MMADHC: variants seen among roughly 807,000 people sequenced by gnomAD.
MMADHC encodes the protein metabolism of cobalamin associated D.
In MMADHC, 23 loss-of-function variants were observed where a neutral mutation model predicts 36.3. That is an observed-to-expected ratio of 0.63 (90% CI 0.46 to 0.90). The LOEUF (loss-of-function observed/expected upper bound fraction) is 0.90, where lower values mean the gene tolerates loss of function less well. Among genes scored for constraint, MMADHC ranks in the 40% least tolerant of loss-of-function variants. The probability of loss-of-function intolerance (pLI) is 0.00; values close to 1 mark genes in which losing one functional copy is unlikely to be tolerated. For synonymous variants in MMADHC, 97 were observed against 116.1 expected (o/e 0.84, Z 1.06); for missense variants, 330 against 348.0 (o/e 0.95, Z 0.41).
rs951070213 is a variant in MMADHC at position 149,581,981 on chromosome 2, A to G, written c.154+146T>C. On this transcript the variant is annotated intron_variant, in intron 3 of 7. Coordinates refer to ENST00000303319, the MANE Select transcript of MMADHC (RefSeq NM_015702.3). ...TACTGTAGCTTTCTGACATAAATAT[A>G]TTTAGGCAGAGCTGTGATTCATTTT... The G allele has an allele frequency of 3.6e-5, 30 of 836,606 alleles. No homozygotes were observed. The East Asian group carries it at 5.9e-4, about 16-fold the overall frequency. The allele number at this position is 836,606 out of a possible 1,614,324, so 51.8% of individuals were successfully genotyped here.
intron 4 of MMADHC, among the ~76,000 whole-genome samples, chr2:149,578,063 C>T (rs1243267352): frequency 1.3e-5 from 2 of 151,938 alleles, no homozygotes; most frequent in Non-Finnish European, 2.9e-5. Flanking sequence ...GAAACAGGAG[C>T]TTAGAAAGGT....
intron 6 of MMADHC, among the ~76,000 whole-genome samples, chr2:149,574,222 T>C (rs879380448): frequency 5.9e-5 from 9 of 152,166 alleles, no homozygotes; most frequent in Non-Finnish European, 1.0e-4. Flanking sequence ...TGTGACAATA[T>C]ACTAGCACTT....
Position 149,571,184 on chromosome 2 carries a change from T to A in MMADHC, c.610-13A>T. 1.3e-6 allele frequency: 2 copies of A among 1,553,488 alleles called. No homozygotes were observed. The highest frequency in any genetic ancestry group is 1.8e-6 in the Non-Finnish European group (2 of 1,129,602). ...CACCATTGATGAACTGCAATGGAAG[T>A]CACAAATAATATGCTTAAGATAGCA... is the stretch of plus-strand genomic sequence containing the variant. On this transcript the variant is annotated splice_polypyrimidine_tract_variant and intron_variant, in intron 6 of 7. Transcript: ENST00000303319.
At chr2:149,584,890 C>T (rs934677427) in intron 2 of MMADHC, among the ~76,000 whole-genome samples, 1 of 151,504 alleles carries the variant, frequency 6.6e-6, no homozygotes, top group African/African-American at 2.4e-5. Context: ...ACAAAAAAAG[C>T]CAATTAGCCG....
chr2:149,586,812 T>C (rs113505108), intron 2 of MMADHC: 29 of 466,208 alleles, frequency 6.2e-5, no homozygotes, highest in African/African-American at 4.4e-4. Context: ...TAGATTCTAA[T>C]ATTTACTGAA....
chr2:149,572,622 G>A (rs533827784), intron 6 of MMADHC, among the ~76,000 whole-genome samples: 1 of 152,232 alleles, frequency 6.6e-6, no homozygotes, highest in African/African-American at 2.4e-5. Flanking sequence ...TGAGGAGATA[G>A]AAAGCAAGAG....
At chr2:149,571,464 A>C (rs1015689815) in intron 6 of MMADHC, among the ~76,000 whole-genome samples, 1 of 152,220 alleles carries the variant, frequency 6.6e-6, no homozygotes. Flanking sequence ...CTAACTTCTG[A>C]ATCTGTCATA....
chr2:149,575,979 T>A lies in MMADHC; in HGVS notation c.479-138A>T, dbSNP rs1453098366. On this transcript the variant is annotated intron_variant, in intron 5 of 7. Coordinates refer to ENST00000303319, the MANE Select transcript of MMADHC (RefSeq NM_015702.3). ...TGTGGTATTAGTTAATTTTTATAAA[T>A]GTATGTTATTTTTGAAAAGGGTAAA... The A allele has an allele frequency of 7.3e-6, 5 of 689,650 alleles. No homozygotes were observed. In the East Asian group the frequency reaches 1.4e-4, roughly 19 times the overall value. The allele number at this position is 689,650 out of a possible 1,614,324, so 42.7% of individuals were successfully genotyped here. A position where few individuals can be genotyped will look rare whatever the true frequency, so the allele number is the denominator to read the frequency against.
chr2:149,584,135 T>C (rs903481998), intron 2 of MMADHC, among the ~76,000 whole-genome samples: 1 of 152,200 alleles, frequency 6.6e-6, no homozygotes, highest in South Asian at 2.1e-4. Flanking sequence ...TGGGTGTTTA[T>C]ATAATACAAA....
chr2:149,579,907 T>C (rs916699125), intron 3 of MMADHC, among the ~76,000 whole-genome samples: 2 of 152,178 alleles, frequency 1.3e-5, no homozygotes, highest in Non-Finnish European at 2.9e-5. Flanking sequence ...TGCTTGAATG[T>C]CATTAAAAAG....
At chr2:149,572,664 T>C (rs1286107361) in intron 6 of MMADHC, among the ~76,000 whole-genome samples, 3 of 152,056 alleles carry the variant, frequency 2.0e-5, no homozygotes, top group Non-Finnish European at 2.9e-5. Flanking sequence ...GGCAAGGTAC[T>C]GGAAAAGGAG....
intron 2 of MMADHC, 54 bp downstream of exon 2, chr2:149,587,035 C>T (rs1573882643): frequency 1.9e-6 from 3 of 1,572,044 alleles, no homozygotes; most frequent in African/African-American, 1.4e-5. Context: ...TCTTTCATTC[C>T]TAACATTCCC....
chr2:149,587,345 C>T (rs1451604426), intron 1 of MMADHC, 196 bp from the exon 2 acceptor site: 1 of 578,714 alleles, frequency 1.7e-6, no homozygotes, highest in East Asian at 2.9e-5. Flanking sequence ...GGCAGTGCAG[C>T]TCAGAGCCCT....
chr2:149,586,054 A>C (rs1217844162), intron 2 of MMADHC, among the ~76,000 whole-genome samples: 3 of 152,148 alleles, frequency 2.0e-5, no homozygotes. Context: ...TTCACCATAG[A>C]ACTTGGCCAA....
At position 149,587,093 on chromosome 2, in the gene MMADHC, G is replaced by A. The variant is rs1308795683; in HGVS notation, c.5C>T (p.Ala2Val). 9 of 1,613,732 alleles carry A rather than the reference G, an allele frequency of 5.6e-6. No individual in the cohort carries two copies. Among genetic ancestry groups the A allele is most frequent in the Non-Finnish European group, 6.8e-6 (8 of 1,179,700 alleles). The change falls in exon 2 of 8, where the codon GCC becomes GTC. Residue 2 changes from alanine to valine, a missense_variant. By Grantham distance (64) the Ala-to-Val change is moderately conservative (BLOSUM62 0). Coordinates refer to ENST00000303319, the MANE Select transcript of MMADHC (RefSeq NM_015702.3). ...CTTAAGAGATAATTTACTCACATTG[G>A]CCATCTCCGCTGGAGAAGATAGTTC... M[A>V]NVLCNRARLV...
At chr2:149,586,657 T>C (rs561895526) in intron 2 of MMADHC, among the ~76,000 whole-genome samples, 19 of 152,284 alleles carry the variant, frequency 1.2e-4, no homozygotes, top group African/African-American at 4.6e-4. Context: ...AATAAATATC[T>C]CTGGTGTGTG....
chr2:149,579,751 G>C (rs746048952), intron 3 of MMADHC, 103 bp from the exon 4 acceptor site: 1 of 1,027,590 alleles, frequency 9.7e-7, no homozygotes, highest in African/African-American at 1.6e-5. Flanking sequence ...TTATCTAAAA[G>C]ATCTTCAAAA....
At chr2:149,581,238 C>A (rs1342870998) in intron 3 of MMADHC, among the ~76,000 whole-genome samples, 3 of 151,970 alleles carry the variant, frequency 2.0e-5, no homozygotes, top group African/African-American at 7.2e-5. Context: ...ATTATAAATT[C>A]TTTATATATT....
At chr2:149,578,599 G>A (rs1315278535) in intron 4 of MMADHC, among the ~76,000 whole-genome samples, 6 of 152,120 alleles carry the variant, frequency 3.9e-5, no homozygotes, top group Non-Finnish European at 7.4e-5. Flanking sequence ...AAATGAGAAG[G>A]TGTAGGACAG....
Sources: gnomAD v4.1 joint callset for allele counts (sites outside exome capture counted in the v4.1 genomes callset) on GRCh38, gnomAD v4.1.1 for gene constraint, MANE v1.5 for transcripts, NCBI Gene and HGNC (gene_info 2026-07-23, HGNC 2026-07-21) for gene names.